Variants in MGAT4C observed in about 807,000 individuals in gnomAD.
MGAT4C encodes MGAT4 family member C, also known as alpha-1,3-mannosyl-glycoprotein 4-beta-N-acetylglucosaminyltransferase C.
Under a neutral mutation model 40.1 loss-of-function variants are expected in MGAT4C, and 19 were observed. That is an observed-to-expected ratio of 0.47 (90% CI 0.33 to 0.70). The LOEUF (loss-of-function observed/expected upper bound fraction) is 0.70. Ranked by LOEUF, MGAT4C falls within the 30% of genes least tolerant of loss-of-function variation. The pLI, the probability that MGAT4C is intolerant of heterozygous loss-of-function variation, is 0.02. For synonymous variants in MGAT4C, 181 were observed against 187.1 expected, an observed-to-expected ratio of 0.97 and a Z score of 0.27; for missense variants, 491 against 563.2, an observed-to-expected ratio of 0.87 and a Z score of 1.30.
rs566029864 is a variant in MGAT4C, at chr12:86,303,046, C to T, written c.-57+31019G>A. ...AGAACTTCAACTATTTTTCTCCCTTCGTTTTCTGATATTAATTTTACTTCT... is the reference window on the plus strand; with the variant it reads ...AGAACTTCAACTATTTTTCTCCCTTTGTTTTCTGATATTAATTTTACTTCT... On this transcript the variant is annotated intron_variant, in intron 4 of 7. Transcript: ENST00000548651. Among the ~76,000 whole-genome samples the T allele has an allele frequency of 8.0e-5, 12 of 150,704 alleles. No individual in the cohort carries two copies. The East Asian group carries it at 1.2e-3, about 15-fold the overall frequency.
chr12:86,517,900 G>A (rs1472283559), intron 2 of MGAT4C, among the ~76,000 whole-genome samples: 1 of 152,036 alleles, frequency 6.6e-6, no homozygotes, highest in Non-Finnish European at 1.5e-5. Flanking sequence ...TGCCTGCCTC[G>A]ACCTCCCAAA....
At chr12:86,733,892 AT>A (rs769072172) in intron 1 of MGAT4C, among the ~76,000 whole-genome samples, 4 of 152,294 alleles carry the variant, frequency 2.6e-5, no homozygotes, top group Admixed American at 2.0e-4. Flanking sequence ...TATGAAAAAA[AT>A]AATGAAATTA....
intron 2 of MGAT4C, among the ~76,000 whole-genome samples, chr12:86,572,900 C>A (rs573823093): frequency 6.6e-6 from 1 of 151,956 alleles, no homozygotes; most frequent in African/African-American, 2.4e-5. Context: ...CTAAGAATAG[C>A]GGACACCTTG....
chr12:86,529,264 T>A (rs1295971819), intron 2 of MGAT4C, among the ~76,000 whole-genome samples: 1 of 152,112 alleles, frequency 6.6e-6, no homozygotes, highest in Non-Finnish European at 1.5e-5. Context: ...TTGAATAAAG[T>A]ATACATTTTG....
chr12:86,801,370 G>T (rs536069921), intron 1 of MGAT4C, among the ~76,000 whole-genome samples: 2 of 151,828 alleles, frequency 1.3e-5, no homozygotes, highest in Non-Finnish European at 2.9e-5. Context: ...TTTTACCAAT[G>T]TATGGACTGA....
At chr12:86,113,775 A>T (rs1877869514) in intron 1 of MGAT4C, among the ~76,000 whole-genome samples, 2 of 151,922 alleles carry the variant, frequency 1.3e-5, no homozygotes, top group African/African-American at 4.8e-5. Flanking sequence ...TCTCATTTTA[A>T]TTAAGATTTT....
At chr12:86,485,582 G>T (rs990591247) in intron 2 of MGAT4C, among the ~76,000 whole-genome samples, 3 of 152,132 alleles carry the variant, frequency 2.0e-5, no homozygotes, top group African/African-American at 7.2e-5. Flanking sequence ...ATGGGACTAT[G>T]TAAAGAAATA....
At chr12:86,796,527 T>A (rs1952124925) in intron 1 of MGAT4C, among the ~76,000 whole-genome samples, 2 of 152,120 alleles carry the variant, frequency 1.3e-5, no homozygotes, top group South Asian at 4.1e-4. Flanking sequence ...GAGAGTAGAC[T>A]GATGACTTCC....
At chr12:86,107,387 A>C (rs1297088376) in intron 1 of MGAT4C, among the ~76,000 whole-genome samples, 4 of 152,056 alleles carry the variant, frequency 2.6e-5, no homozygotes, top group Non-Finnish European at 4.4e-5. Context: ...ATTTTTAAGG[A>C]ACAAGATGAT....
intron 2 of MGAT4C, among the ~76,000 whole-genome samples, chr12:86,638,579 A>G (rs988820176): frequency 3.3e-5 from 5 of 151,828 alleles, no homozygotes; most frequent in African/African-American, 1.2e-4. Flanking sequence ...TATTGTAATC[A>G]ATAGCCACAA....
chr12:86,171,927 C>T (rs1426596346), intron 1 of MGAT4C, among the ~76,000 whole-genome samples: 2 of 152,116 alleles, frequency 1.3e-5, no homozygotes, highest in African/African-American at 4.8e-5. Context: ...CAGAAATGAA[C>T]ATCTTGAAAA....
intron 2 of MGAT4C, among the ~76,000 whole-genome samples, chr12:86,473,021 T>A (rs1001550147): frequency 3.9e-5 from 6 of 152,116 alleles, no homozygotes; most frequent in African/African-American, 1.2e-4. Flanking sequence ...AATGGTGCAA[T>A]CTCAGCTCAC....
intron 2 of MGAT4C, among the ~76,000 whole-genome samples, chr12:86,473,912 T>A (rs1957791668): frequency 6.6e-6 from 1 of 152,144 alleles, no homozygotes; most frequent in African/African-American, 2.4e-5. Flanking sequence ...TAGGGTTCAC[T>A]GTGCAACAGA....
chr12:86,138,074 G>A (rs1015925157), intron 1 of MGAT4C, among the ~76,000 whole-genome samples: 6 of 152,070 alleles, frequency 3.9e-5, no homozygotes, highest in Non-Finnish European at 8.8e-5. Flanking sequence ...TCACCAGAAT[G>A]TGAATCACGT....
intron 1 of MGAT4C, among the ~76,000 whole-genome samples, chr12:86,131,536 T>G (rs754934305): frequency 6.6e-6 from 1 of 152,120 alleles, no homozygotes; most frequent in Non-Finnish European, 1.5e-5. Flanking sequence ...ATTTATTCTT[T>G]TATTTTGTAT....
intron 2 of MGAT4C, among the ~76,000 whole-genome samples, chr12:85,993,346 T>C (rs534250156): frequency 5.3e-5 from 8 of 152,240 alleles, no homozygotes; most frequent in Admixed American, 2.0e-4. Context: ...GGAGGACCAG[T>C]TGGAAGAATG....
At chr12:86,298,917 TTTTATGTAATCTGGAAA>T (rs140486722) in intron 4 of MGAT4C, among the ~76,000 whole-genome samples, 10,637 of 152,068 alleles carry the variant, frequency 0.07, 883 homozygotes, top group East Asian at 0.25. Context: ...TTTTCTATAC[TTTTATGTAATCTGGAAA>T]TTATCACCAA....
intron 2 of MGAT4C, among the ~76,000 whole-genome samples, chr12:86,587,400 T>G (rs1025083579): frequency 1.3e-5 from 2 of 152,144 alleles, no homozygotes; most frequent in Non-Finnish European, 2.9e-5. Context: ...GCCTCCAGCT[T>G]TGTTCTTTTG....
At chr12:86,268,588 A>T (rs1420913454) in intron 4 of MGAT4C, among the ~76,000 whole-genome samples, 1 of 148,386 alleles carries the variant, frequency 6.7e-6, no homozygotes, top group Non-Finnish European at 1.5e-5. Flanking sequence ...TAAAGAGAAG[A>T]TACAACCTTA....
Sources: gnomAD v4.1 joint callset for allele counts (sites outside exome capture counted in the v4.1 genomes callset) on GRCh38, gnomAD v4.1.1 for gene constraint, MANE v1.5 for transcripts, NCBI Gene and HGNC (gene_info 2026-07-23, HGNC 2026-07-21) for gene names.